KPNA1: variants seen among roughly 807,000 people sequenced by gnomAD.
KPNA1 encodes the protein karyopherin subunit alpha 1, also known as importin subunit alpha-5.
A neutral mutation model predicts 70.5 loss-of-function variants in KPNA1; 10 were observed. That is an observed-to-expected ratio of 0.14 (90% CI 0.09 to 0.24). The LOEUF (loss-of-function observed/expected upper bound fraction) is 0.24. KPNA1 is among the 10% of genes least tolerant of loss of function. The pLI, the probability that KPNA1 is intolerant of heterozygous loss-of-function variation, is 1.00. For missense variants in KPNA1, 397 were observed against 637.9 expected (o/e 0.62, Z 4.07); for synonymous variants, 192 against 221.9 (o/e 0.87, Z 1.20).
intron 10 of KPNA1, 131 bp from the exon 11 acceptor site, chr3:122,437,426 TAA>T (rs35524149): frequency 1.8e-5 from 11 of 599,714 alleles, no homozygotes; most frequent in Middle Eastern, 4.5e-4. Context: ...TTTATACAGG[TAA>T]AAAAAAGTAT....
At chr3:122,512,372 G>A (rs980977512) in intron 1 of KPNA1, among the ~76,000 whole-genome samples, 1 of 152,206 alleles carries the variant, frequency 6.6e-6, no homozygotes, top group African/African-American at 2.4e-5. Flanking sequence ...CTCTAGATAA[G>A]ATGTATATTA....
chr3:122,463,685 CT>C (rs1239322226), intron 4 of KPNA1, among the ~76,000 whole-genome samples: 10 of 152,102 alleles, frequency 6.6e-5, no homozygotes, highest in African/African-American at 2.4e-4. Context: ...ATGATACTGA[CT>C]ACTATTCACT....
chr3:122,459,633 T>C, intron 5 of KPNA1: 1 of 985,466 alleles, frequency 1.0e-6, no homozygotes, highest in Non-Finnish European at 1.2e-6. Flanking sequence ...TTCAGGTGTC[T>C]GATGATCCTG....
chr3:122,439,488 C>A (rs1184001859), intron 10 of KPNA1, among the ~76,000 whole-genome samples: 9 of 150,684 alleles, frequency 6.0e-5, no homozygotes, highest in African/African-American at 1.7e-4. Flanking sequence ...GCATACCTGG[C>A]CATGATGAGG....
chr3:122,461,201 C>T lies in KPNA1; in HGVS notation c.432+23G>A, dbSNP rs1194899093. 5 of 1,436,106 alleles carry T rather than the reference C, an allele frequency of 3.5e-6. No individual in the cohort carries two copies. In the Admixed American group the frequency reaches 5.9e-5, roughly 17 times the overall value. 89.0% of individuals were successfully genotyped at this position (1,436,106 alleles called of 1,614,324 possible). ...TTTCAAAAGGAATTAAGTTATGAGG[C>T]AATAAATAAAAATTATTCGCACCTG... On this transcript the variant is annotated intron_variant, in intron 5 of 13. Transcript: ENST00000344337.
At chr3:122,432,372 T>C (rs2075922446) in intron 12 of KPNA1, 2 of 152,256 alleles carry the variant, frequency 1.3e-5, no homozygotes, top group Admixed American at 1.3e-4. Flanking sequence ...GTTAATCTGT[T>C]TGTAATTTTA....
intron 2 of KPNA1, among the ~76,000 whole-genome samples, chr3:122,473,078 C>CA (rs1429548649): frequency 6.6e-6 from 1 of 151,620 alleles, no homozygotes; most frequent in East Asian, 1.9e-4. Flanking sequence ...GACTCTGTCT[C>CA]AAAAAAATAA....
At chr3:122,430,697 T>G (rs2075892947) in intron 12 of KPNA1, among the ~76,000 whole-genome samples, 1 of 151,986 alleles carries the variant, frequency 6.6e-6, no homozygotes, top group South Asian at 2.1e-4. Context: ...ACAAAAACAG[T>G]CAACTGATCT....
chr3:122,461,319 C>T lies in KPNA1; in HGVS notation c.338-1G>A. ...ACTTCATCAATAGGAGGGTTAGGTTCTGTTTCCCCATAAAATAAAAGAAAA... is the reference window on the plus strand; with the variant it reads ...ACTTCATCAATAGGAGGGTTAGGTTTTGTTTCCCCATAAAATAAAAGAAAA... On this transcript the variant is annotated splice_acceptor_variant, in intron 4 of 13. Transcript: ENST00000344337. LOFTEE classifies it high-confidence loss of function. 6.3e-7 allele frequency: 1 copy of T among 1,599,396 alleles called. No homozygotes were observed. The highest frequency in any genetic ancestry group is 8.5e-7 in the Non-Finnish European group (1 of 1,170,234).
intron 13 of KPNA1, 42 bp downstream of exon 13, chr3:122,427,496 A>G (rs2075838115): frequency 9.1e-6 from 14 of 1,541,100 alleles, no homozygotes; most frequent in Non-Finnish European, 1.2e-5. Flanking sequence ...CTATGACCCA[A>G]TTCATTCTTG....
intron 12 of KPNA1, among the ~76,000 whole-genome samples, chr3:122,429,446 CAAAAAAAAAAAAA>C (rs57991855): frequency 1.5e-4 from 9 of 58,784 alleles, no homozygotes; most frequent in East Asian, 6.1e-4. Context: ...AACTCTGTCT[CAAAAAAAAAAAAA>C]AAAAAAAAAA....
intron 2 of KPNA1, among the ~76,000 whole-genome samples, chr3:122,472,610 A>T (rs906627636): frequency 3.3e-5 from 5 of 152,232 alleles, no homozygotes; most frequent in African/African-American, 9.6e-5. Flanking sequence ...GAAAACAGGA[A>T]ATCAACTGAG....
chr3:122,429,406 C>G (rs1355568635), intron 12 of KPNA1, among the ~76,000 whole-genome samples: 2 of 135,142 alleles, frequency 1.5e-5, no homozygotes, highest in Admixed American at 8.1e-5. Context: ...GAGACCGTGC[C>G]ACTGCACTCC....
intron 1 of KPNA1, among the ~76,000 whole-genome samples, chr3:122,506,480 G>A (rs1302047533): frequency 6.6e-6 from 1 of 152,134 alleles, no homozygotes; most frequent in East Asian, 1.9e-4. Flanking sequence ...AATTAGAAAA[G>A]AAAATTAAAA....
chr3:122,496,326 AC>A, intron 2 of KPNA1, 110 bp downstream of exon 2: 1 of 817,150 alleles, frequency 1.2e-6, no homozygotes. Flanking sequence ...GAAAACACAC[AC>A]ACACACACAC....
intron 2 of KPNA1, among the ~76,000 whole-genome samples, chr3:122,493,906 T>C (rs1480879841): frequency 1.3e-5 from 2 of 152,216 alleles, no homozygotes; most frequent in African/African-American, 4.8e-5. Flanking sequence ...TTAACTTTTA[T>C]TTATTTGATA....
intron 2 of KPNA1, among the ~76,000 whole-genome samples, chr3:122,477,188 A>C (rs962298930): frequency 6.6e-6 from 1 of 152,222 alleles, no homozygotes; most frequent in Non-Finnish European, 1.5e-5. Context: ...AGACCACATA[A>C]GCATCTCACT....
At chr3:122,483,231 C>T (rs1216933576) in intron 2 of KPNA1, 1 of 152,096 alleles carries the variant, frequency 6.6e-6, no homozygotes, top group African/African-American at 2.4e-5. Context: ...CTGAGAAAGC[C>T]AGAGGAAAAA....
chr3:122,429,101 A>C (rs2075862882), intron 12 of KPNA1, among the ~76,000 whole-genome samples: 1 of 152,202 alleles, frequency 6.6e-6, no homozygotes, highest in Non-Finnish European at 1.5e-5. Flanking sequence ...ACTTACGATC[A>C]TTTCAACGGA....
Sources: allele counts gnomAD v4.1 joint callset (sites outside exome capture counted in the v4.1 genomes callset), GRCh38; gene constraint gnomAD v4.1.1; transcripts MANE v1.5; gene names NCBI Gene and HGNC (gene_info 2026-07-23, HGNC 2026-07-21).